Variants in ENTREP2 observed in about 807,000 individuals in gnomAD.
ENTREP2 encodes the protein protein ENTREP2.
chr15:29,570,540 C>A, the ENTREP2 span: 2 of 1,459,846 alleles, frequency 1.4e-6, no homozygotes, highest in Non-Finnish European at 9.0e-7. Flanking sequence ...GAGTGGCGGA[C>A]GCGGGCCGAG....
the ENTREP2 span, among the ~76,000 whole-genome samples, chr15:29,171,176 A>G: frequency 6.6e-6 from 1 of 152,322 alleles, no homozygotes; most frequent in East Asian, 1.9e-4. Context: ...TGACTGTGGC[A>G]TTGAGGATTA....
At chr15:29,637,126 A>G in the ENTREP2 span, among the ~76,000 whole-genome samples, 19,777 of 152,164 alleles carry the variant, frequency 0.13, 4,325 homozygotes, top group African/African-American at 0.45. Context: ...CAGAAACCCA[A>G]ACAAAGGGAT....
At chr15:29,396,786 T>C in the ENTREP2 span, among the ~76,000 whole-genome samples, 1 of 152,180 alleles carries the variant, frequency 6.6e-6, no homozygotes, top group Admixed American at 6.5e-5. Context: ...AATTTTTGTA[T>C]AGGATGTTAG....
the ENTREP2 span, among the ~76,000 whole-genome samples, chr15:29,597,442 C>T: frequency 6.6e-6 from 1 of 151,952 alleles, no homozygotes; most frequent in Non-Finnish European, 1.5e-5. Context: ...GTAGTGAACG[C>T]CTGTAATCCC....
At chr15:29,199,431 A>AAGCCT in the ENTREP2 span, among the ~76,000 whole-genome samples, 3 of 152,220 alleles carry the variant, frequency 2.0e-5, no homozygotes, top group Admixed American at 2.0e-4. Flanking sequence ...GACTGCCTAT[A>AAGCCT]GGCTGACTTG....
At chr15:29,307,301 AC>A in the ENTREP2 span, among the ~76,000 whole-genome samples, 3 of 146,392 alleles carry the variant, frequency 2.0e-5, no homozygotes, top group African/African-American at 5.1e-5. Context: ...AAAAAAAAAA[AC>A]CTGAAGTCAA....
At chr15:29,586,431 C>T in the ENTREP2 span, among the ~76,000 whole-genome samples, 1 of 152,088 alleles carries the variant, frequency 6.6e-6, no homozygotes, top group South Asian at 2.1e-4. Context: ...CAATGAATTG[C>T]GTACACTTTA....
chr15:29,212,118 T>G, the ENTREP2 span, among the ~76,000 whole-genome samples: 1 of 152,176 alleles, frequency 6.6e-6, no homozygotes, highest in Non-Finnish European at 1.5e-5. Flanking sequence ...GACTTTTTTT[T>G]GTTGGTAATT....
the ENTREP2 span, among the ~76,000 whole-genome samples, chr15:29,544,231 GAGT>G: frequency 6.6e-6 from 1 of 152,198 alleles, no homozygotes; most frequent in South Asian, 2.1e-4. Flanking sequence ...ATAGGCATTA[GAGT>G]AAGGACATTT....
At chr15:29,631,868 C>G in the ENTREP2 span, among the ~76,000 whole-genome samples, 1 of 152,178 alleles carries the variant, frequency 6.6e-6, no homozygotes, top group Non-Finnish European at 1.5e-5. Context: ...TCCACACCCC[C>G]TCCCTGGCCT....
the ENTREP2 span, among the ~76,000 whole-genome samples, chr15:29,243,353 A>G: frequency 2.0e-5 from 3 of 152,162 alleles, no homozygotes; most frequent in Non-Finnish European, 2.9e-5. Flanking sequence ...GAAAGCAAAA[A>G]ACCAAAAAGT....
At chr15:29,656,583 G>A in the ENTREP2 span, among the ~76,000 whole-genome samples, 8 of 152,290 alleles carry the variant, frequency 5.3e-5, no homozygotes, top group Admixed American at 2.6e-4. Context: ...GGCCAACACA[G>A]CAAATGGAAA....
the ENTREP2 span, among the ~76,000 whole-genome samples, chr15:29,628,187 G>T: frequency 6.6e-6 from 1 of 152,198 alleles, no homozygotes; most frequent in Non-Finnish European, 1.5e-5. Flanking sequence ...TAATGGGTAT[G>T]AAGTAATATT....
chr15:29,558,228 C>T, the ENTREP2 span, among the ~76,000 whole-genome samples: 1 of 152,118 alleles, frequency 6.6e-6, no homozygotes, highest in African/African-American at 2.4e-5. Flanking sequence ...AGAGGAGCAG[C>T]CTGTCATCAT....
the ENTREP2 span, among the ~76,000 whole-genome samples, chr15:29,439,743 T>C: frequency 1.1e-3 from 175 of 152,220 alleles, no homozygotes; most frequent in African/African-American, 4.1e-3. Flanking sequence ...TTTGACACGC[T>C]CTCCCCCAGG....
the ENTREP2 span, among the ~76,000 whole-genome samples, chr15:29,227,409 T>C: frequency 6.6e-5 from 10 of 151,798 alleles, no homozygotes; most frequent in African/African-American, 2.4e-4. Context: ...GCGCCTGGAG[T>C]TTACAGGGGG....
the ENTREP2 span, among the ~76,000 whole-genome samples, chr15:29,668,517 G>A: frequency 1.3e-3 from 202 of 152,240 alleles, 6 homozygotes; most frequent in Admixed American, 0.012. Context: ...TCAAACGCCC[G>A]TCAACTGATG....
At chr15:29,178,930 G>T in the ENTREP2 span, among the ~76,000 whole-genome samples, 1 of 152,172 alleles carries the variant, frequency 6.6e-6, no homozygotes, top group Non-Finnish European at 1.5e-5. Flanking sequence ...CCTATCTTGT[G>T]TCTTGAGAAG....
At chr15:29,496,771 T>C in the ENTREP2 span, among the ~76,000 whole-genome samples, 4 of 152,200 alleles carry the variant, frequency 2.6e-5, no homozygotes, top group African/African-American at 7.2e-5. Flanking sequence ...TCCCACTTAT[T>C]TGTTTAATAT....
Sources: gnomAD v4.1 joint callset for allele counts (sites outside exome capture counted in the v4.1 genomes callset) on GRCh38, gnomAD v4.1.1 for gene constraint, MANE v1.5 for transcripts, NCBI Gene and HGNC (gene_info 2026-07-23, HGNC 2026-07-21) for gene names.